ASPH: variants seen among roughly 807,000 people sequenced by gnomAD.
ASPH encodes aspartate beta-hydroxylase, also known as aspartyl/asparaginyl beta-hydroxylase.
In ASPH, 100 loss-of-function variants were observed where a neutral mutation model predicts 118.4. The observed-to-expected ratio is 0.84, with a 90% CI of 0.72 to 1.00. The LOEUF is 1.00. Ranked by LOEUF, ASPH falls within the 50% of genes least tolerant of loss-of-function variation. The probability of loss-of-function intolerance (pLI) is 0.00; values close to 1 mark genes in which losing one functional copy is unlikely to be tolerated. For synonymous variants in ASPH, 315 were observed against 325.6 expected (o/e 0.97, Z 0.35); for missense variants, 920 against 919.5 (o/e 1.00, Z -0.01).
intron 10 of ASPH, 101 bp from the exon 11 acceptor site, chr8:61,638,464 A>G (rs1858910017): frequency 1.9e-6 from 2 of 1,035,560 alleles, no homozygotes; most frequent in African/African-American, 3.3e-5. Context: ...TGCATCTTTG[A>G]ACCTGCAAGG....
intron 1 of ASPH, among the ~76,000 whole-genome samples, chr8:61,705,338 C>T (rs541196856): frequency 7.9e-5 from 12 of 152,202 alleles, no homozygotes; most frequent in African/African-American, 2.9e-4. Flanking sequence ...GTACACCAAA[C>T]CCCTGTGACA....
At chr8:61,589,523 A>G (rs1176458850) in intron 14 of ASPH, among the ~76,000 whole-genome samples, 1 of 152,206 alleles carries the variant, frequency 6.6e-6, no homozygotes, top group Admixed American at 6.5e-5. Flanking sequence ...GCCCTCAATG[A>G]CATTGGAATA....
Position 61,573,058 on chromosome 8 carries a change from T to C in ASPH, c.1149+3714A>G, listed in dbSNP as rs545856516. On this transcript the variant is annotated intron_variant, in intron 16 of 24. Transcript: ENST00000379454. ...TGTGCAAAAATCACAAGCATTCCTA[T>C]ATACCAATAATAGACAAGCAGAGAG... 7.7e-4 allele frequency among the ~76,000 whole-genome samples: 118 copies of C among 152,264 alleles called. 1 individual carries two copies. The highest frequency in any genetic ancestry group is 1.2e-3 in the Non-Finnish European group (84 of 68,032).
chr8:61,561,562 C>A (rs1829981032), intron 18 of ASPH, among the ~76,000 whole-genome samples: 1 of 152,162 alleles, frequency 6.6e-6, no homozygotes, highest in African/African-American at 2.4e-5. Context: ...GAGGAAAGTA[C>A]CGCTTTGAGG....
At chr8:61,559,192 A>T (rs1459771904) in intron 18 of ASPH, among the ~76,000 whole-genome samples, 1 of 152,214 alleles carries the variant, frequency 6.6e-6, no homozygotes, top group Non-Finnish European at 1.5e-5. Context: ...AAATAATCCA[A>T]TTATATGCTT....
intron 18 of ASPH, among the ~76,000 whole-genome samples, chr8:61,560,861 C>A (rs1206729670): frequency 1.3e-5 from 2 of 151,810 alleles, no homozygotes; most frequent in Non-Finnish European, 2.9e-5. Flanking sequence ...GCTGTCAGAT[C>A]CTGCCCTAAC....
intron 16 of ASPH, among the ~76,000 whole-genome samples, chr8:61,571,682 GC>G (rs1833527461): frequency 6.6e-6 from 1 of 152,092 alleles, no homozygotes; most frequent in Non-Finnish European, 1.5e-5. Flanking sequence ...TGTTTCAAGA[GC>G]ATTTCATTTA....
chr8:61,557,304 C>A (rs59071960), intron 18 of ASPH, among the ~76,000 whole-genome samples: 44,779 of 151,910 alleles, frequency 0.29, 8,659 homozygotes, highest in African/African-American at 0.55. Context: ...CTGGGCCTCT[C>A]CATTGCTCTG....
intron 1 of ASPH, among the ~76,000 whole-genome samples, chr8:61,701,163 A>C (rs746091854): frequency 1.3e-5 from 2 of 152,308 alleles, no homozygotes; most frequent in East Asian, 1.9e-4. Flanking sequence ...ATAAATAGTA[A>C]GATATTGGCT....
rs764669838 is a variant in ASPH, at chr8:61,518,048, C to G, written c.1976G>C (p.Gly659Ala). ...TLLEKFPETT[G>A]CRRGQIKYSI... is the part of the protein sequence containing the mutation. ...TCTTGGTACCTGTCCTCTTCTGCATCCTGTTGTCTCGGGGAACTTTTCTAG... is the reference window on the plus strand; with the variant it reads ...TCTTGGTACCTGTCCTCTTCTGCATGCTGTTGTCTCGGGGAACTTTTCTAG... Residue 659 changes from glycine to alanine, a missense_variant, in exon 23 of 25, where the codon GGA becomes GCA. By Grantham distance (60) the Gly-to-Ala change is moderately conservative. Coordinates refer to ENST00000379454, the MANE Select transcript of ASPH (RefSeq NM_004318.4). 4 of 1,613,526 alleles carry G rather than the reference C, an allele frequency of 2.5e-6. No homozygotes were observed. Among genetic ancestry groups the G allele is most frequent in the Admixed American group, 1.7e-5 (1 of 59,996 alleles).
At position 61,517,550 on chromosome 8, in the gene ASPH, T is replaced by C; in HGVS notation, c.2104A>G (p.Ile702Val). 1 of 1,614,124 alleles carries C rather than the reference T, an allele frequency of 6.2e-7. No homozygotes were observed. Among genetic ancestry groups the C allele is most frequent in the Non-Finnish European group, 8.5e-7 (1 of 1,179,966 alleles). ...GLVIPKEGCK[I>V]RCANETKTWE... ...TACTTGGTCTCGTTGGCACATCGAA[T>C]CTTGCAGCCTTCCTTGGGAATCACC... Residue 702 changes from isoleucine to valine, a missense_variant, in exon 24 of 25, where the codon ATT (isoleucine) becomes GTT (valine). Ile to Val is a conservative substitution (Grantham distance 29). Coordinates refer to ENST00000379454, the MANE Select transcript of ASPH (RefSeq NM_004318.4).
At chr8:61,680,833 A>G in intron 3 of ASPH, 135 bp downstream of exon 3, 1 of 592,888 alleles carries the variant, frequency 1.7e-6, no homozygotes, top group Non-Finnish European at 2.7e-6. Context: ...AAATTTTAAC[A>G]GTAATGAAAT....
chr8:61,711,905 A>C (rs1477274380), intron 1 of ASPH, among the ~76,000 whole-genome samples: 1 of 152,248 alleles, frequency 6.6e-6, no homozygotes, highest in African/African-American at 2.4e-5. Flanking sequence ...TGGTGATAGG[A>C]CAAAAGCATA....
At chr8:61,518,209 T>A in intron 22 of ASPH, 86 bp from the exon 23 acceptor site, 1 of 1,131,932 alleles carries the variant, frequency 8.8e-7, no homozygotes, top group South Asian at 1.4e-5. Flanking sequence ...CTATATGTCA[T>A]CCTCACTGCA....
In ASPH at chr8:61,575,655, C is replaced by T. The variant is rs868500481; in HGVS notation, c.1149+1117G>A. Among the ~76,000 whole-genome samples, 5 of 152,226 alleles carry T rather than the reference C, an allele frequency of 3.3e-5. No individual in the cohort carries two copies. In the Middle Eastern group the frequency reaches 0.01, roughly 311 times the overall value. ...CCACTGGAATCCACAAGAATGTTCA[C>T]TGTATTGTATTGTAATTATTTTTAA... On this transcript the variant is annotated intron_variant, in intron 16 of 24. Coordinates refer to ENST00000379454, the MANE Select transcript of ASPH (RefSeq NM_004318.4).
intron 18 of ASPH, among the ~76,000 whole-genome samples, chr8:61,558,030 G>A (rs1276651363): frequency 6.6e-6 from 1 of 152,186 alleles, no homozygotes; most frequent in Non-Finnish European, 1.5e-5. Context: ...AGAACACACA[G>A]AACTCTTCCA....
intron 1 of ASPH, among the ~76,000 whole-genome samples, chr8:61,699,107 C>T (rs1289657715): frequency 6.6e-6 from 1 of 152,156 alleles, no homozygotes. Context: ...CCTGGGGACC[C>T]CAAAATTATA....
At chr8:61,578,781 G>A in intron 15 of ASPH, 1 of 1,592,154 alleles carries the variant, frequency 6.3e-7, no homozygotes, top group Non-Finnish European at 8.6e-7. Context: ...TAAGCATACA[G>A]AGATGGAGAA....
chr8:61,619,281 G>A lies in ASPH; in HGVS notation c.935-262C>T, dbSNP rs146440077. Among the ~76,000 whole-genome samples the A allele has an allele frequency of 7.8e-4, 119 of 152,278 alleles. 1 individual carries two copies. Among genetic ancestry groups the A allele is most frequent in the African/African-American group, 2.8e-3 (115 of 41,552 alleles). Reference sequence around the variant, plus strand: ...CAGGCTAAGTACTCCTTGTCTATAAGATAAGAGAGTTGGAGTGGGTGATGT... The same window carrying A: ...CAGGCTAAGTACTCCTTGTCTATAAAATAAGAGAGTTGGAGTGGGTGATGT... On this transcript the variant is annotated intron_variant, in intron 13 of 24. Transcript: ENST00000379454.
Sources: allele counts gnomAD v4.1 joint callset (sites outside exome capture counted in the v4.1 genomes callset), GRCh38; gene constraint gnomAD v4.1.1; transcripts MANE v1.5; gene names NCBI Gene and HGNC (gene_info 2026-07-23, HGNC 2026-07-21).